MACROD2: variants seen among roughly 807,000 people sequenced by gnomAD.
MACROD2 encodes ADP-ribose glycohydrolase MACROD2.
MACROD2 carries 36 observed loss-of-function variants against 70.4 expected under a neutral mutation model. The ratio of observed to expected loss-of-function variants is 0.51; its 90% CI spans 0.39 to 0.68. The LOEUF is 0.68. Ranked by LOEUF, MACROD2 falls within the 30% of genes least tolerant of loss-of-function variation. The probability of loss-of-function intolerance (pLI) is 0.00; values close to 1 mark genes in which losing one functional copy is unlikely to be tolerated. For synonymous variants in MACROD2, 172 were observed against 178.8 expected, an observed-to-expected ratio of 0.96 and a Z score of 0.30; for missense variants, 496 against 538.4, an observed-to-expected ratio of 0.92 and a Z score of 0.78.
In MACROD2 at chr20:14,085,729, G is replaced by A; in HGVS notation, c.271+1G>A. ...GAGGTAGATGCTATAGTCAATGCCG[G>A]TGAGTAGTTGATTTTCCTGTGATGT... On this transcript the variant is annotated splice_donor_variant, in intron 3 of 17. Coordinates refer to ENST00000684519, the MANE Select transcript of MACROD2 (RefSeq NM_001351661.2). LOFTEE classifies it high-confidence loss of function. The A allele has an allele frequency of 6.7e-7, 1 of 1,483,416 alleles. No homozygotes were observed. The highest frequency in any genetic ancestry group is 9.0e-7 in the Non-Finnish European group (1 of 1,108,982). 91.9% of individuals were successfully genotyped at this position (1,483,416 alleles called of 1,614,324 possible).
chr20:14,515,465 G>GCACACACA (rs11467236), intron 4 of MACROD2, among the ~76,000 whole-genome samples: 8 of 127,066 alleles, frequency 6.3e-5, no homozygotes, highest in East Asian at 2.5e-4. Context: ...ACACACACAC[G>GCACACACA]CACACACACA....
chr20:15,903,740 T>C (rs564109668), intron 10 of MACROD2, among the ~76,000 whole-genome samples: 3 of 152,350 alleles, frequency 2.0e-5, no homozygotes, highest in Non-Finnish European at 4.4e-5. Flanking sequence ...TAAGCAGAGA[T>C]AGGACGTGCT....
At chr20:14,757,197 T>G (rs13042992) in intron 5 of MACROD2, among the ~76,000 whole-genome samples, 8,653 of 152,186 alleles carry the variant, frequency 0.057, 362 homozygotes, top group Middle Eastern at 0.088. Flanking sequence ...CCTAACATAA[T>G]AGAAATAAAG....
chr20:15,948,047 C>T (rs2065849574), intron 12 of MACROD2, among the ~76,000 whole-genome samples: 1 of 152,044 alleles, frequency 6.6e-6, no homozygotes, highest in South Asian at 2.1e-4. Flanking sequence ...TCCCCAACAG[C>T]ACTTGGGTTT....
intron 4 of MACROD2, among the ~76,000 whole-genome samples, chr20:14,579,883 C>A (rs554392713): frequency 2.0e-5 from 3 of 152,066 alleles, no homozygotes; most frequent in Non-Finnish European, 2.9e-5. Flanking sequence ...AAGAGGCAGA[C>A]CAGCAGGTTT....
Position 14,507,016 on chromosome 20 carries a change from T to A in MACROD2, c.301+13508T>A, listed in dbSNP as rs182501556. ...GATACTATATCATTCAAAACACTTT[T>A]AAAAAATGGGACATTCAAATAAACA... On this transcript the variant is annotated intron_variant, in intron 4 of 17. Transcript: ENST00000684519. Among the ~76,000 whole-genome samples, 912 of 152,194 alleles carry A rather than the reference T, an allele frequency of 6.0e-3. 6 individuals carry two copies. Among genetic ancestry groups the A allele is most frequent in the Non-Finnish European group, 9.7e-3 (660 of 67,998 alleles).
At chr20:15,281,772 G>T (rs1360221574) in intron 6 of MACROD2, among the ~76,000 whole-genome samples, 1 of 152,168 alleles carries the variant, frequency 6.6e-6, no homozygotes, top group Non-Finnish European at 1.5e-5. Context: ...CTGGGGTCTG[G>T]AGAATGGTGG....
At chr20:14,242,920 G>T (rs1252435507) in intron 3 of MACROD2, among the ~76,000 whole-genome samples, 1 of 152,108 alleles carries the variant, frequency 6.6e-6, no homozygotes, top group African/African-American at 2.4e-5. Context: ...AAATTAAACA[G>T]ATACTATCAC....
At chr20:15,505,388 A>G (rs1421828811) in intron 8 of MACROD2, among the ~76,000 whole-genome samples, 2 of 152,198 alleles carry the variant, frequency 1.3e-5, no homozygotes, top group Non-Finnish European at 1.5e-5. Flanking sequence ...ATCAAGGATT[A>G]GTTGTAACAT....
At chr20:15,670,716 T>G (rs1425608157) in intron 8 of MACROD2, among the ~76,000 whole-genome samples, 1 of 152,230 alleles carries the variant, frequency 6.6e-6, no homozygotes, top group Non-Finnish European at 1.5e-5. Context: ...TTCAGTCCTC[T>G]GTTCCTTTTT....
chr20:15,110,324 TGCCCTGCACTGG>T (rs2075944960), intron 5 of MACROD2, among the ~76,000 whole-genome samples: 1 of 152,180 alleles, frequency 6.6e-6, no homozygotes, highest in South Asian at 2.1e-4. Context: ...GCCTGCCGGG[TGCCCTGCACTGG>T]AATTGGGGAC....
intron 5 of MACROD2, among the ~76,000 whole-genome samples, chr20:14,822,229 A>G (rs2072853909): frequency 6.6e-6 from 1 of 152,126 alleles, no homozygotes; most frequent in South Asian, 2.1e-4. Flanking sequence ...TAAAAGAATT[A>G]TACCTGCATT....
At chr20:14,265,410 A>G (rs147170527) in intron 3 of MACROD2, among the ~76,000 whole-genome samples, 5 of 152,316 alleles carry the variant, frequency 3.3e-5, no homozygotes, top group African/African-American at 1.2e-4. Context: ...AGGGGGTAAT[A>G]AATTAATGAA....
At chr20:14,539,548 C>A (rs2085405696) in intron 4 of MACROD2, among the ~76,000 whole-genome samples, 1 of 151,990 alleles carries the variant, frequency 6.6e-6, no homozygotes, top group South Asian at 2.1e-4. Flanking sequence ...TGATGGGGCT[C>A]ATTTCTGCAC....
At chr20:14,544,322 A>C (rs1223479022) in intron 4 of MACROD2, among the ~76,000 whole-genome samples, 2 of 151,578 alleles carry the variant, frequency 1.3e-5, no homozygotes, top group Admixed American at 1.3e-4. Flanking sequence ...GTGGCAGCAT[A>C]GTATGGTAGA....
chr20:15,502,282 A>G (rs2047374069), intron 8 of MACROD2, among the ~76,000 whole-genome samples: 1 of 152,186 alleles, frequency 6.6e-6, no homozygotes. Context: ...GTCTTGAGTT[A>G]AAACATTCCA....
chr20:15,119,058 T>C (rs1261405707), intron 5 of MACROD2, among the ~76,000 whole-genome samples: 2 of 152,208 alleles, frequency 1.3e-5, no homozygotes, highest in African/African-American at 4.8e-5. Context: ...AGGCTGCCAA[T>C]TTTTAAAATC....
intron 5 of MACROD2, among the ~76,000 whole-genome samples, chr20:15,161,380 T>G (rs1223401702): frequency 6.7e-6 from 1 of 149,808 alleles, no homozygotes; most frequent in East Asian, 1.9e-4. Flanking sequence ...CATATAATAA[T>G]GTAATATAAT....
intron 8 of MACROD2, among the ~76,000 whole-genome samples, chr20:15,617,577 T>C (rs1204147132): frequency 6.6e-6 from 1 of 152,198 alleles, no homozygotes; most frequent in Non-Finnish European, 1.5e-5. Context: ...AGTTTTCAGA[T>C]TGGGGGAAAA....
Sources: allele counts gnomAD v4.1 joint callset (sites outside exome capture counted in the v4.1 genomes callset), GRCh38; gene constraint gnomAD v4.1.1; transcripts MANE v1.5; gene names NCBI Gene and HGNC (gene_info 2026-07-23, HGNC 2026-07-21).